GRID2: variants seen among roughly 807,000 people sequenced by gnomAD.
The protein encoded by GRID2 is glutamate ionotropic receptor delta type subunit 2, also known as glutamate receptor ionotropic, delta-2.
Under a neutral mutation model 114.8 loss-of-function variants are expected in GRID2, and 33 were observed. The observed-to-expected ratio is 0.29, with a 90% CI of 0.22 to 0.38. GRID2 has a LOEUF of 0.38. Among genes scored for constraint, GRID2 ranks in the 10% least tolerant of loss-of-function variants. The pLI, the probability that GRID2 is intolerant of heterozygous loss-of-function variation, is 1.00. For missense variants in GRID2, 1,184 were observed against 1,257.7 expected (o/e 0.94, Z 0.89); for synonymous variants, 505 against 449.9 (o/e 1.12, Z -1.55).
At chr4:93,524,419 G>A (rs1230545794) in intron 13 of GRID2, among the ~76,000 whole-genome samples, 1 of 152,070 alleles carries the variant, frequency 6.6e-6, no homozygotes, top group African/African-American at 2.4e-5. Flanking sequence ...CACAAAGAAA[G>A]AAGAGAACTG....
At chr4:92,988,576 T>A (rs12498874) in intron 2 of GRID2, among the ~76,000 whole-genome samples, 13,402 of 152,230 alleles carry the variant, frequency 0.088, 741 homozygotes, top group Middle Eastern at 0.21. Context: ...GAATCAGAGA[T>A]CATTGGGGAC....
intron 2 of GRID2, among the ~76,000 whole-genome samples, chr4:92,696,788 A>G (rs1734443638): frequency 6.6e-6 from 1 of 152,160 alleles, no homozygotes; most frequent in Non-Finnish European, 1.5e-5. Flanking sequence ...AAGAGACATT[A>G]ATGTGTGTGT....
intron 13 of GRID2, among the ~76,000 whole-genome samples, chr4:93,580,749 GA>G (rs1736888860): frequency 6.7e-6 from 1 of 148,324 alleles, no homozygotes; most frequent in Non-Finnish European, 1.5e-5. Flanking sequence ...CCCTGGCAAA[GA>G]GCATTTTTTT....
intron 14 of GRID2, among the ~76,000 whole-genome samples, chr4:93,768,303 G>A (rs1415110627): frequency 6.6e-6 from 1 of 152,210 alleles, no homozygotes; most frequent in African/African-American, 2.4e-5. Context: ...CACAGCCTTG[G>A]TCTGATCTTC....
chr4:92,434,170 T>A (rs571285897), intron 1 of GRID2, among the ~76,000 whole-genome samples: 1 of 152,302 alleles, frequency 6.6e-6, no homozygotes. Flanking sequence ...CTGTGTGACA[T>A]AATACAATTA....
chr4:92,603,995 C>G (rs971672417), intron 2 of GRID2, among the ~76,000 whole-genome samples: 1 of 152,064 alleles, frequency 6.6e-6, no homozygotes, highest in Non-Finnish European at 1.5e-5. Flanking sequence ...GAGATACTAT[C>G]TCAAGCCAGT....
At chr4:92,955,854 C>T (rs959961562) in intron 2 of GRID2, among the ~76,000 whole-genome samples, 1 of 152,078 alleles carries the variant, frequency 6.6e-6, no homozygotes, top group Non-Finnish European at 1.5e-5. Context: ...GTTTTCCCAG[C>T]ACCATTTATT....
intron 14 of GRID2, among the ~76,000 whole-genome samples, chr4:93,702,668 G>A (rs1462318097): frequency 6.6e-6 from 1 of 152,102 alleles, no homozygotes; most frequent in Non-Finnish European, 1.5e-5. Flanking sequence ...GAAAGTGTTT[G>A]TATCAATAGA....
At chr4:92,424,204 C>T (rs1003766853) in intron 1 of GRID2, among the ~76,000 whole-genome samples, 1 of 152,018 alleles carries the variant, frequency 6.6e-6, no homozygotes, top group Admixed American at 6.6e-5. Context: ...GGTAATCTTC[C>T]ACAAAATTCT....
chr4:92,332,041 A>G (rs1030708859), intron 1 of GRID2, among the ~76,000 whole-genome samples: 1 of 152,198 alleles, frequency 6.6e-6, no homozygotes, highest in Non-Finnish European at 1.5e-5. Flanking sequence ...GCAGAGTTTC[A>G]GAGAGTCTCA....
chr4:92,314,822 A>C (rs996478589), intron 1 of GRID2, among the ~76,000 whole-genome samples: 4 of 152,182 alleles, frequency 2.6e-5, no homozygotes, highest in African/African-American at 9.7e-5. Context: ...TCAAGTCCCA[A>C]GCATTTCAGG....
chr4:92,494,045 G>T (rs1723272968), intron 1 of GRID2, among the ~76,000 whole-genome samples: 1 of 152,038 alleles, frequency 6.6e-6, no homozygotes, highest in Admixed American at 6.6e-5. Context: ...TTGTTGCAGA[G>T]CCAAAAAGTT....
intron 2 of GRID2, among the ~76,000 whole-genome samples, chr4:92,941,176 C>T (rs543836682): frequency 3.3e-4 from 50 of 152,196 alleles, no homozygotes; most frequent in African/African-American, 1.0e-3. Context: ...TGGTAGAATT[C>T]GGCTGTGAAT....
At chr4:92,740,690 TGATAGATAGATAGATAGATA>T (rs71579576) in intron 2 of GRID2, among the ~76,000 whole-genome samples, 90 of 121,312 alleles carry the variant, frequency 7.4e-4, no homozygotes, top group South Asian at 1.8e-3. Context: ...GATAGATAGA[TGATAGATAGATAGATAGATA>T]GATAGATAGA....
chr4:93,619,059 G>C (rs969816333), intron 13 of GRID2, among the ~76,000 whole-genome samples: 2 of 152,154 alleles, frequency 1.3e-5, no homozygotes, highest in African/African-American at 2.4e-5. Flanking sequence ...TAAAAAAGTT[G>C]ATGTTTATTT....
intron 2 of GRID2, among the ~76,000 whole-genome samples, chr4:92,739,504 A>G (rs576765180): frequency 1.3e-5 from 2 of 152,186 alleles, no homozygotes; most frequent in South Asian, 2.1e-4. Context: ...ACCATTCATT[A>G]ACACCTATAT....
chr4:92,332,634 T>C (rs1490501608), intron 1 of GRID2, among the ~76,000 whole-genome samples: 1 of 152,218 alleles, frequency 6.6e-6, no homozygotes, highest in East Asian at 1.9e-4. Context: ...ACTTAAAGCA[T>C]GATTTATTCT....
At chr4:92,401,689 A>G (rs1730797043) in intron 1 of GRID2, among the ~76,000 whole-genome samples, 1 of 152,242 alleles carries the variant, frequency 6.6e-6, no homozygotes, top group Non-Finnish European at 1.5e-5. Context: ...ATTGATAAAA[A>G]TGCTGACTAT....
At chr4:92,406,371 A>G (rs922476119) in intron 1 of GRID2, among the ~76,000 whole-genome samples, 1 of 152,288 alleles carries the variant, frequency 6.6e-6, no homozygotes, top group East Asian at 1.9e-4. Flanking sequence ...AAAAGTTACT[A>G]TCATTATAAT....
Sources: allele counts gnomAD v4.1 joint callset (sites outside exome capture counted in the v4.1 genomes callset), GRCh38; gene constraint gnomAD v4.1.1; transcripts MANE v1.5; gene names NCBI Gene and HGNC (gene_info 2026-07-23, HGNC 2026-07-21).